The following NBAS variants were observed in gnomAD, a reference collection of about 807,000 sequenced individuals.
The protein encoded by NBAS is NBAS subunit of NRZ tethering complex.
A neutral mutation model predicts 302.5 loss-of-function variants in NBAS; 219 were observed. That is an observed-to-expected ratio of 0.72 (90% CI 0.65 to 0.81). The LOEUF is 0.81. Ranked by LOEUF, NBAS falls within the 30% of genes least tolerant of loss-of-function variation. The pLI, the probability that NBAS is intolerant of heterozygous loss-of-function variation, is 0.00. For missense variants in NBAS, 2,932 were observed against 2,841.6 expected (o/e 1.03, Z -0.72); for synonymous variants, 1,118 against 1,021.6 (o/e 1.09, Z -1.80).
At chr2:14,795,831 A>C in the NBAS span, among the ~76,000 whole-genome samples, 2 of 152,338 alleles carry the variant, frequency 1.3e-5, no homozygotes, top group African/African-American at 4.8e-5. Context: ...ACAGCCAAAA[A>C]TATCTGCAGA....
the NBAS span, among the ~76,000 whole-genome samples, chr2:14,840,412 A>G: frequency 6.6e-6 from 1 of 152,074 alleles, no homozygotes; most frequent in South Asian, 2.1e-4. Flanking sequence ...ATAAACAGAG[A>G]AATATTAAGG....
chr2:15,155,252 T>G, the NBAS span, among the ~76,000 whole-genome samples: 1 of 152,188 alleles, frequency 6.6e-6, no homozygotes, highest in African/African-American at 2.4e-5. Flanking sequence ...AAAATATGTA[T>G]GTCAAGCCCC....
At chr2:15,149,740 G>A in the NBAS span, among the ~76,000 whole-genome samples, 1 of 152,166 alleles carries the variant, frequency 6.6e-6, no homozygotes, top group African/African-American at 2.4e-5. Flanking sequence ...GGAATGACAG[G>A]TGTAAGCCAC....
At chr2:15,077,268 G>A in the NBAS span, among the ~76,000 whole-genome samples, 2 of 152,176 alleles carry the variant, frequency 1.3e-5, no homozygotes, top group East Asian at 3.8e-4. Context: ...ACTATCACAA[G>A]AACAGCATGG....
At chr2:15,300,207 T>C (rs1200927829) in intron 40 of NBAS, among the ~76,000 whole-genome samples, 1 of 152,202 alleles carries the variant, frequency 6.6e-6, no homozygotes, top group African/African-American at 2.4e-5. Flanking sequence ...TAAGTTAGCA[T>C]TCCTGCAGCG....
chr2:14,783,392 C>T, the NBAS span, among the ~76,000 whole-genome samples: 9 of 151,566 alleles, frequency 5.9e-5, no homozygotes, highest in Admixed American at 3.9e-4. Context: ...CATAAGTATA[C>T]ATGTGCCATG....
rs533957186 is a variant in NBAS at position 15,184,750 on chromosome 2, A to T, written c.6711+1992T>A. ...TGGGGTTTGGGGAAGCCTGATACAC[A>T]TAACTGTTACTGAGCCTTGATTAGC... On this transcript the variant is annotated intron_variant, in intron 50 of 51. Coordinates refer to ENST00000281513, the MANE Select transcript of NBAS (RefSeq NM_015909.4). 1.1e-4 allele frequency among the ~76,000 whole-genome samples: 17 copies of T among 152,330 alleles called. No individual in the cohort carries two copies. In the East Asian group the frequency reaches 3.3e-3, roughly 29 times the overall value.
the NBAS span, among the ~76,000 whole-genome samples, chr2:14,870,667 A>G: frequency 2.0e-5 from 3 of 152,130 alleles, no homozygotes; most frequent in African/African-American, 7.2e-5. Context: ...AAACAAACAA[A>G]AAATTTTAAA....
At chr2:14,935,146 C>G in the NBAS span, among the ~76,000 whole-genome samples, 1 of 152,040 alleles carries the variant, frequency 6.6e-6, no homozygotes. Context: ...TTGTTTTCCC[C>G]TCTAGAATTC....
intron 30 of NBAS, 74 bp downstream of exon 30, chr2:15,379,528 A>G: frequency 2.1e-6 from 3 of 1,421,566 alleles, no homozygotes. Context: ...TTTGGTAAAG[A>G]AAAGAATAAC....
intron 9 of NBAS, among the ~76,000 whole-genome samples, chr2:15,532,488 C>CAAAAAAAA (rs896529713): frequency 2.1e-5 from 1 of 47,804 alleles, no homozygotes; most frequent in Non-Finnish European, 5.5e-5. Flanking sequence ...GACTCCATCT[C>CAAAAAAAA]AAAAAAAAAA....
At chr2:15,147,860 C>T in the NBAS span, among the ~76,000 whole-genome samples, 3 of 152,258 alleles carry the variant, frequency 2.0e-5, no homozygotes, top group South Asian at 2.1e-4. Flanking sequence ...GGTCTCCTGT[C>T]GAGTTTAAGA....
chr2:15,441,863 T>C (rs1678431740), intron 21 of NBAS, among the ~76,000 whole-genome samples: 1 of 151,550 alleles, frequency 6.6e-6, no homozygotes, highest in Non-Finnish European at 1.5e-5. Context: ...AATGCTAGTC[T>C]CTGATAAAAC....
intron 21 of NBAS, among the ~76,000 whole-genome samples, chr2:15,445,795 C>A (rs1316199799): frequency 6.7e-6 from 1 of 149,844 alleles, no homozygotes; most frequent in Non-Finnish European, 1.5e-5. Flanking sequence ...ATAACCAGAA[C>A]AAAAATCAAT....
At chr2:15,293,119 G>A (rs150120147) in intron 40 of NBAS, among the ~76,000 whole-genome samples, 131 of 152,254 alleles carry the variant, frequency 8.6e-4, no homozygotes, top group African/African-American at 2.4e-3. Context: ...ATCACTCACA[G>A]TAACTCACTC....
At chr2:15,041,030 G>A in the NBAS span, among the ~76,000 whole-genome samples, 1 of 152,138 alleles carries the variant, frequency 6.6e-6, no homozygotes, top group South Asian at 2.1e-4. Context: ...ATTCACCAAA[G>A]CTCAACTGTG....
chr2:15,553,128 A>C (rs1301018486), intron 5 of NBAS, among the ~76,000 whole-genome samples: 2 of 152,158 alleles, frequency 1.3e-5, no homozygotes, highest in African/African-American at 4.8e-5. Context: ...TATAGCAGTA[A>C]ATAGTCACAC....
the NBAS span, among the ~76,000 whole-genome samples, chr2:15,144,044 TAAAA>T: frequency 0.028 from 2,602 of 93,406 alleles, 310 homozygotes; most frequent in African/African-American, 0.1. Flanking sequence ...ATCCTATATA[TAAAA>T]ATATATATAT....
At chr2:14,977,616 G>A in the NBAS span, among the ~76,000 whole-genome samples, 1 of 152,120 alleles carries the variant, frequency 6.6e-6, no homozygotes, top group Admixed American at 6.6e-5. Context: ...CATAACCAAG[G>A]GTTCAAATGA....
Sources: allele counts gnomAD v4.1 joint callset (sites outside exome capture counted in the v4.1 genomes callset), GRCh38; gene constraint gnomAD v4.1.1; transcripts MANE v1.5; gene names NCBI Gene and HGNC (gene_info 2026-07-23, HGNC 2026-07-21).